Variants in SLC25A26 observed in about 807,000 individuals in gnomAD.
SLC25A26 encodes the protein mitochondrial S-adenosylmethionine carrier protein.
A neutral mutation model predicts 37.8 loss-of-function variants in SLC25A26; 36 were observed. The ratio of observed to expected loss-of-function variants is 0.95; its 90% CI spans 0.73 to 1.26. The LOEUF (loss-of-function observed/expected upper bound fraction) is 1.26, where lower values mean the gene tolerates loss of function less well. SLC25A26 is among the 50% of genes most tolerant of loss of function. The probability of loss-of-function intolerance (pLI) is 0.00; values close to 1 mark genes in which losing one functional copy is unlikely to be tolerated. For missense variants in SLC25A26, 390 were observed against 331.1 expected, an observed-to-expected ratio of 1.18 and a Z score of -1.38; for synonymous variants, 129 against 122.5, an observed-to-expected ratio of 1.05 and a Z score of -0.35.
intron 5 of SLC25A26, among the ~76,000 whole-genome samples, chr3:66,332,434 G>C (rs2107684270): frequency 6.6e-6 from 1 of 152,202 alleles, no homozygotes; most frequent in East Asian, 1.9e-4. Context: ...TACTCATTTA[G>C]ATTGATTGTA....
chr3:66,192,433 A>G (rs2070964176), intron 1 of SLC25A26, among the ~76,000 whole-genome samples: 1 of 151,972 alleles, frequency 6.6e-6, no homozygotes, highest in South Asian at 2.1e-4. Context: ...GGCTTTCTCC[A>G]GATACGGGAT....
At chr3:66,363,858 A>G (rs1031086270) in intron 7 of SLC25A26, among the ~76,000 whole-genome samples, 1 of 152,200 alleles carries the variant, frequency 6.6e-6, no homozygotes, top group Non-Finnish European at 1.5e-5. Context: ...ATTGATAATC[A>G]ACAATAAGAA....
intron 9 of SLC25A26, 49 bp from the exon 10 acceptor site, chr3:66,377,641 C>G (rs376191843): frequency 8.8e-6 from 13 of 1,468,976 alleles, no homozygotes; most frequent in Non-Finnish European, 1.1e-5. Flanking sequence ...TGGAATTTAA[C>G]CTTTTTTTAA....
Position 66,263,371 on chromosome 3 carries a change from T to G in SLC25A26, c.445T>G (p.Leu149Val), listed in dbSNP as rs141974918. ...GTATCGAGGCTATAAAAGCACAGTT[T>G]TAAGAGAGGTAAGTCACTTACTTTC... ...GLYRGYKSTV[L>V]REIPFSLVQF... Residue 149 changes from leucine to valine, a missense_variant, in exon 5 of 10, where the codon TTA (leucine) becomes GTA (valine). Transcript: ENST00000354883. 957 of 1,609,416 alleles carry G rather than the reference T, an allele frequency of 5.9e-4. 13 individuals carry two copies. The East Asian group carries it at 0.02, about 33-fold the overall frequency.
At chr3:66,216,848 T>G (rs1387871473), upstream of SLC25A26, among the ~76,000 whole-genome samples, 1 of 152,308 alleles carries the variant, frequency 6.6e-6, no homozygotes, top group African/African-American at 2.4e-5. Context: ...TGAGAACATA[T>G]GCTGCCTGCA....
intron 1 of SLC25A26, among the ~76,000 whole-genome samples, chr3:66,233,350 A>T (rs142794977): frequency 6.6e-6 from 1 of 152,324 alleles, no homozygotes; most frequent in Non-Finnish European, 1.5e-5. Context: ...ATACATTGTG[A>T]TGCTGTAGCA....
rs539509964 is a variant in SLC25A26 at position 66,180,396 on chromosome 3, G to A, written c.-353-40346G>A. On this transcript the variant is annotated intron_variant, in intron 1 of 10. Coordinates refer to the SLC25A26 transcript ENST00000676754. ...AAGCCAATGCAGGGGCAGGGAACAT[G>A]CCGCAGAGCAACGGAAGTGATTTCA... Among the ~76,000 whole-genome samples the A allele has an allele frequency of 2.6e-5, 4 of 152,312 alleles. No homozygotes were observed. The East Asian group carries it at 7.7e-4, about 29-fold the overall frequency.
At chr3:66,204,867 G>C (rs2071157213) in intron 1 of SLC25A26, among the ~76,000 whole-genome samples, 1 of 152,134 alleles carries the variant, frequency 6.6e-6, no homozygotes, top group African/African-American at 2.4e-5. Context: ...TCTTGCCTTA[G>C]CTATCAGTCA....
intron 8 of SLC25A26, among the ~76,000 whole-genome samples, chr3:66,369,779 G>T (rs957928976): frequency 6.6e-6 from 1 of 152,186 alleles, no homozygotes; most frequent in South Asian, 2.1e-4. Context: ...CTGCCTGGCA[G>T]TACCATCTTC....
At chr3:66,182,702 C>A (rs1039040733) in intron 1 of SLC25A26, among the ~76,000 whole-genome samples, 2 of 78,234 alleles carry the variant, frequency 2.6e-5, no homozygotes, top group Non-Finnish European at 4.6e-5. Flanking sequence ...TCGGCCTCAA[C>A]CTGCAGTGGG....
intron 3 of SLC25A26, among the ~76,000 whole-genome samples, chr3:66,255,748 G>A (rs903714605): frequency 3.3e-5 from 5 of 152,242 alleles, no homozygotes; most frequent in African/African-American, 1.2e-4. Context: ...GAAATACTTT[G>A]TTGTAGCTCA....
At chr3:66,237,325 G>A (rs1019549569) in intron 2 of SLC25A26, among the ~76,000 whole-genome samples, 3 of 152,210 alleles carry the variant, frequency 2.0e-5, no homozygotes, top group South Asian at 4.1e-4. Context: ...CTGCACATTA[G>A]AATCTACTGG....
At chr3:66,353,727 C>A (rs905630110) in intron 6 of SLC25A26, among the ~76,000 whole-genome samples, 3 of 152,154 alleles carry the variant, frequency 2.0e-5, no homozygotes, top group Admixed American at 1.3e-4. Context: ...TGAGCTTGGG[C>A]AAGGATTAAA....
chr3:66,162,000 C>T (rs1437415224), intron 1 of SLC25A26, among the ~76,000 whole-genome samples: 3 of 152,196 alleles, frequency 2.0e-5, no homozygotes, highest in African/African-American at 2.4e-5. Flanking sequence ...GCTGCCATAA[C>T]AAAGTACTGC....
In SLC25A26 at chr3:66,208,718, G is replaced by GTATATATATATACACATTTATATGGGTA. The variant is rs2071216078; in HGVS notation, c.-353-11997_-353-11996insATATATATATATACACATTTATATGGGT. Among the ~76,000 whole-genome samples, 596 of 125,498 alleles carry GTATATATATATACACATTTATATGGGTA rather than the reference G, an allele frequency of 4.7e-3. 8 individuals carry two copies. The highest frequency in any genetic ancestry group is 0.013 in the African/African-American group (411 of 32,568). 82.3% of individuals were successfully genotyped at this position (125,498 alleles called of 152,430 possible). A position where few individuals can be genotyped will look rare whatever the true frequency, so the allele number is the denominator to read the frequency against. ...TATATATATATACACATTTATATGG[G>GTATATATATATACACATTTATATGGGTA]TATATATATATACACATTTATATGG... On this transcript the variant is annotated intron_variant, in intron 1 of 10. Transcript: ENST00000676754.
intron 5 of SLC25A26, among the ~76,000 whole-genome samples, chr3:66,305,811 T>C (rs2075203875): frequency 6.6e-6 from 1 of 152,172 alleles, no homozygotes; most frequent in African/African-American, 2.4e-5. Flanking sequence ...CCTTTGAGCA[T>C]ATACCCTGTA....
intron 8 of SLC25A26, 68 bp from the exon 9 acceptor site, chr3:66,370,461 A>T (rs763410569): frequency 1.4e-5 from 17 of 1,242,556 alleles, no homozygotes; most frequent in Non-Finnish European, 2.0e-5. Flanking sequence ...GTCTGAGGAT[A>T]TCTGAGAGGC....
chr3:66,147,521 C>T (rs2070137722), intron 1 of SLC25A26, among the ~76,000 whole-genome samples: 3 of 151,958 alleles, frequency 2.0e-5, no homozygotes, highest in African/African-American at 7.3e-5. Context: ...TATATCTTTG[C>T]ACTTGTGGAC....
chr3:66,339,579 G>A (rs1201207019), intron 5 of SLC25A26, among the ~76,000 whole-genome samples: 1 of 151,174 alleles, frequency 6.6e-6, no homozygotes, highest in Non-Finnish European at 1.5e-5. Context: ...CTCCTAAAGG[G>A]TGGGAGTTTG....
Sources: allele counts gnomAD v4.1 joint callset (sites outside exome capture counted in the v4.1 genomes callset), GRCh38; gene constraint gnomAD v4.1.1; transcripts MANE v1.5; gene names NCBI Gene and HGNC (gene_info 2026-07-23, HGNC 2026-07-21).